Variants in KLHL42 observed in about 807,000 individuals in gnomAD.
The protein encoded by KLHL42 is kelch-like protein 42.
Under a neutral mutation model 32.7 loss-of-function variants are expected in KLHL42, and 27 were observed. That is an observed-to-expected ratio of 0.83 (90% CI 0.61 to 1.14). The LOEUF (loss-of-function observed/expected upper bound fraction) is 1.14. Among genes scored for constraint, KLHL42 ranks in the 50% most tolerant of loss-of-function variants. The pLI is 0.00. For synonymous variants in KLHL42, 267 were observed against 248.2 expected (o/e 1.08, Z -0.71); for missense variants, 491 against 560.8 (o/e 0.88, Z 1.26).
Position 27,780,550 on chromosome 12 carries a change from G to T in KLHL42, c.220G>T (p.Ala74Ser). 6.5e-7 allele frequency: 1 copy of T among 1,528,672 alleles called. No homozygotes were observed. Among genetic ancestry groups the T allele is most frequent in the Non-Finnish European group, 8.8e-7 (1 of 1,142,546 alleles). 94.7% of individuals were successfully genotyped at this position (1,528,672 alleles called of 1,614,324 possible). A position where few individuals can be genotyped will look rare whatever the true frequency, so the allele number is the denominator to read the frequency against. Residue 74 changes from alanine (A) to serine (S), a missense_variant, in exon 1 of 3, where the codon GCC becomes TCC. This residue lies in a region of KLHL42 where 248 missense variants were observed against 329.2 expected (regional missense o/e 0.75). Transcript: ENST00000381271. This position sits in a 1 kb window ranked among gnomAD's most constrained non-coding sequence, Gnocchi z 8.8. ...GCTGGACTTCATCAACGCCGGCGGGGCCCGCGAAGGCTGGCTCCTGGGCCC... is the reference window on the plus strand; with the variant it reads ...GCTGGACTTCATCAACGCCGGCGGGTCCCGCGAAGGCTGGCTCCTGGGCCC... ...LVLDFINAGG[A>S]REGWLLGPRG...
intron 2 of KLHL42, chr12:27,797,124 TAAAAAAAAACA>T (rs2062222135): frequency 5.5e-6 from 2 of 362,242 alleles, no homozygotes; most frequent in South Asian, 2.1e-5. Flanking sequence ...ATCCTGTCTT[TAAAAAAAAACA>T]AAAAAAAAAC....
chr12:27,785,312 G>A (rs1376828547), intron 1 of KLHL42, among the ~76,000 whole-genome samples: 2 of 152,154 alleles, frequency 1.3e-5, no homozygotes, highest in Non-Finnish European at 2.9e-5. Context: ...CAATCCTCCT[G>A]CTTCAGCCTC....
At chr12:27,797,573 C>G (rs1404330200) in intron 2 of KLHL42, 142 bp from the exon 3 acceptor site, 1 of 652,278 alleles carries the variant, frequency 1.5e-6, no homozygotes, top group African/African-American at 1.8e-5. Flanking sequence ...ACTTTGAAAA[C>G]TGTTTTTCTA....
In KLHL42 at chr12:27,791,820, C is replaced by T. The variant is rs2062198458; in HGVS notation, c.985C>T (p.Pro329Ser). The T allele has an allele frequency of 6.2e-7, 1 of 1,614,126 alleles. No homozygotes were observed. Residue 329 changes from proline (P) to serine (S), a missense_variant, in exon 2 of 3, where the codon CCC (proline) becomes TCC (serine). By Grantham distance (74) the Pro-to-Ser change is moderately conservative. This residue lies in a region of KLHL42 where 152 missense variants were observed against 125.9 expected (regional missense o/e 1.21). Coordinates refer to ENST00000381271, the MANE Select transcript of KLHL42 (RefSeq NM_020782.2). Reference protein sequence around the residue: ...PEQDAWNFVAPLPNPLAEFSA... With the variant: ...PEQDAWNFVASLPNPLAEFSA... The stretch of plus-strand genomic sequence containing the variant: ...GCAGGATGCGTGGAATTTTGTGGCG[C>T]CCTTACCCAATCCTCTGGCTGAGTT...
intron 2 of KLHL42, among the ~76,000 whole-genome samples, chr12:27,796,674 C>T (rs898744843): frequency 1.3e-5 from 2 of 152,000 alleles, no homozygotes; most frequent in Admixed American, 6.6e-5. Flanking sequence ...ACTCTGTCAC[C>T]CTGGCTGGAA....
In KLHL42 at chr12:27,780,432, C is replaced by T; in HGVS notation, c.102C>T (p.Tyr34=). Reference sequence around the variant, plus strand: ...AGAGCGACTACTTCCGCGCCCTCTACCGCTCCGGCATGCGCGAGGCCCTGA... The same window carrying T: ...AGAGCGACTACTTCCGCGCCCTCTATCGCTCCGGCATGCGCGAGGCCCTGA... ...IEQSDYFRAL[Y]RSGMREALSQ... The change falls in exon 1 of 3, where the codon TAC becomes TAT. Residue 34 remains tyrosine (Y), a synonymous_variant. Transcript: ENST00000381271. The surrounding 1 kb of genome is among the most constrained non-coding windows in gnomAD (Gnocchi z 8.8). 1 of 1,552,404 alleles carries T rather than the reference C, an allele frequency of 6.4e-7. No homozygotes were observed. The highest frequency in any genetic ancestry group is 1.2e-5 in the South Asian group (1 of 84,272).
chr12:27,792,902 T>TA (rs1436258069), intron 2 of KLHL42, among the ~76,000 whole-genome samples: 3 of 152,282 alleles, frequency 2.0e-5, no homozygotes, highest in South Asian at 2.1e-4. Flanking sequence ...ATTTGGAAAT[T>TA]AAAAAAATTT....
Position 27,791,792 on chromosome 12 carries a change from C to A in KLHL42, c.957C>A (p.Pro319=). 1.9e-6 allele frequency: 3 copies of A among 1,614,184 alleles called. No homozygotes were observed. Among genetic ancestry groups the A allele is most frequent in the Non-Finnish European group, 2.5e-6 (3 of 1,180,016 alleles). Residue 319 remains proline, a synonymous_variant, in exon 2 of 3, where the codon CCC becomes CCA. Transcript: ENST00000381271. ...QAVSNVECYN[P]EQDAWNFVAP... ...TTTCTAACGTTGAGTGTTACAACCCCGAGCAGGATGCGTGGAATTTTGTGG... is the reference window on the plus strand; with the variant it reads ...TTTCTAACGTTGAGTGTTACAACCCAGAGCAGGATGCGTGGAATTTTGTGG...
rs772500023 is a variant in KLHL42 at position 27,781,210 on chromosome 12, C to A, written c.872+8C>A. 21 of 1,612,736 alleles carry A rather than the reference C, an allele frequency of 1.3e-5. No homozygotes were observed. The highest frequency in any genetic ancestry group is 1.6e-4 in the Middle Eastern group (1 of 6,082). On this transcript the variant is annotated splice_region_variant and intron_variant, in intron 1 of 2. Transcript: ENST00000381271. ...CTCCATGAACCAGAAGAGGTAAGCA[C>A]CCCGGCAGAGTGCTGCTGCCTTCTC... is the stretch of plus-strand genomic sequence containing the variant.
In KLHL42 at chr12:27,780,908, C is replaced by T. The variant is rs747911594; in HGVS notation, c.578C>T (p.Thr193Ile). 29 of 1,608,428 alleles carry T rather than the reference C, an allele frequency of 1.8e-5. No individual in the cohort carries two copies. In the East Asian group the frequency reaches 5.8e-4, roughly 32 times the overall value. The change falls in exon 1 of 3, where the codon ACT (threonine) becomes ATT (isoleucine). Residue 193 changes from threonine (T) to isoleucine (I), a missense_variant. Coordinates refer to ENST00000381271, the MANE Select transcript of KLHL42 (RefSeq NM_020782.2). The surrounding 1 kb of genome is among the most constrained non-coding windows in gnomAD (Gnocchi z 8.8). ...CTGAGGGAGGCCCGGATGACTGGGA[C>T]TCCTGTCCTCGTGGCCCTCGGGGAC... Reference protein sequence around the residue: ...QRLREARMTGTPVLVALGDFL... With the variant: ...QRLREARMTGIPVLVALGDFL...
At position 27,780,447 on chromosome 12, in the gene KLHL42, C is replaced by G. The variant is rs918702808; in HGVS notation, c.117C>G (p.Arg39=). 1.9e-6 allele frequency: 3 copies of G among 1,548,032 alleles called. No individual in the cohort carries two copies. The highest frequency in any genetic ancestry group is 2.6e-6 in the Non-Finnish European group (3 of 1,147,866). ...YFRALYRSGM[R]EALSQEAGGP... Reference sequence around the variant, plus strand: ...GCGCCCTCTACCGCTCCGGCATGCGCGAGGCCCTGAGCCAGGAGGCCGGCG... The same window carrying G: ...GCGCCCTCTACCGCTCCGGCATGCGGGAGGCCCTGAGCCAGGAGGCCGGCG... The change falls in exon 1 of 3, where the codon CGC becomes CGG. Residue 39 remains arginine, a synonymous_variant. Coordinates refer to ENST00000381271, the MANE Select transcript of KLHL42 (RefSeq NM_020782.2). This position sits in a 1 kb window ranked among gnomAD's most constrained non-coding sequence, Gnocchi z 8.8.
Position 27,780,278 on chromosome 12 carries a change from G to A in KLHL42, c.-53G>A, listed in dbSNP as rs1591812285. Reference sequence around the variant, plus strand: ...GAACCGGCGCGCGCGTAGGGGCTGGGAGGCCGGCGCGCAGATCTGGCGGTG... The same window carrying A: ...GAACCGGCGCGCGCGTAGGGGCTGGAAGGCCGGCGCGCAGATCTGGCGGTG... On this transcript the variant is annotated 5_prime_UTR_variant, in exon 1 of 3. Coordinates refer to ENST00000381271, the MANE Select transcript of KLHL42 (RefSeq NM_020782.2). This position sits in a 1 kb window ranked among gnomAD's most constrained non-coding sequence, Gnocchi z 8.8. 2 of 1,484,306 alleles carry A rather than the reference G, an allele frequency of 1.3e-6. No homozygotes were observed. Among genetic ancestry groups the A allele is most frequent in the Admixed American group, 2.4e-5 (1 of 41,942 alleles). The allele number at this position is 1,484,306 out of a possible 1,614,324, so 91.9% of individuals were successfully genotyped here.
In KLHL42 at chr12:27,797,904, A is replaced by G. The variant is rs373566992; in HGVS notation, c.1256A>G (p.Gln419Arg). Residue 419 changes from glutamine (Q) to arginine (R), a missense_variant, in exon 3 of 3, where the codon CAG (glutamine) becomes CGG (arginine). This residue lies in a region of KLHL42 where 152 missense variants were observed against 125.9 expected (regional missense o/e 1.21). Transcript: ENST00000381271. ...SSQSEDMLTV[Q>R]SYNTVTRQWL... Reference sequence around the variant, plus strand: ...CAGAGCGAGGACATGCTCACCGTGCAGTCCTACAACACCGTCACCCGCCAG... The same window carrying G: ...CAGAGCGAGGACATGCTCACCGTGCGGTCCTACAACACCGTCACCCGCCAG... 1.3e-6 allele frequency: 1 copy of G among 780,868 alleles called. No homozygotes were observed. Among genetic ancestry groups the G allele is most frequent in the Non-Finnish European group, 2.4e-6 (1 of 418,128 alleles). The allele number at this position is 780,868 out of a possible 1,614,324, so 48.4% of individuals were successfully genotyped here.
Position 27,799,667 on chromosome 12 carries a change from A to G in KLHL42, c.*1501A>G, listed in dbSNP as rs1458769441. On this transcript the variant is annotated 3_prime_UTR_variant, in exon 3 of 3. Transcript: ENST00000381271. ...CTAATCACTTAGAGTTCTTCAGTTT[A>G]TTAGAGGAGTGACTACAGGTTTTCT... 1 of 152,660 alleles carries G rather than the reference A, an allele frequency of 6.6e-6. No homozygotes were observed. The highest frequency in any genetic ancestry group is 1.5e-5 in the Non-Finnish European group (1 of 68,046). 9.5% of individuals were successfully genotyped at this position (152,660 alleles called of 1,614,324 possible).
intron 1 of KLHL42, among the ~76,000 whole-genome samples, chr12:27,788,452 A>G (rs572943960): frequency 6.6e-5 from 10 of 152,312 alleles, no homozygotes; most frequent in African/African-American, 2.4e-4. Flanking sequence ...CCTCTGTGTC[A>G]TCTTGCCTTC....
At chr12:27,783,452 C>G (rs1287926733) in intron 1 of KLHL42, among the ~76,000 whole-genome samples, 1 of 152,014 alleles carries the variant, frequency 6.6e-6, no homozygotes, top group Non-Finnish European at 1.5e-5. Flanking sequence ...GGGTGTATCA[C>G]CTTACACATT....
Position 27,797,843 on chromosome 12 carries a change from T to A in KLHL42, c.1195T>A (p.Cys399Ser), listed in dbSNP as rs1357905545. ...AGAGACCATCTACATCGTGGGGGGG[T>A]GTCTCCACGAGCTGGGGCCCAACCG... ...VEETIYIVGG[C>S]LHELGPNRRS... Residue 399 changes from cysteine to serine, a missense_variant, in exon 3 of 3, where the codon TGT becomes AGT. Coordinates refer to ENST00000381271, the MANE Select transcript of KLHL42 (RefSeq NM_020782.2). The A allele has an allele frequency of 1.3e-6, 1 of 777,768 alleles. No individual in the cohort carries two copies. Among genetic ancestry groups the A allele is most frequent in the Admixed American group, 1.7e-5 (1 of 58,812 alleles). 48.2% of individuals were successfully genotyped at this position (777,768 alleles called of 1,614,324 possible).
chr12:27,781,954 A>G (rs1039875932), intron 1 of KLHL42, among the ~76,000 whole-genome samples: 1 of 152,236 alleles, frequency 6.6e-6, no homozygotes, highest in Non-Finnish European at 1.5e-5. Flanking sequence ...GAAAGGAACC[A>G]GGGAAGGAAT....
At chr12:27,789,369 G>A (rs2062186601) in intron 1 of KLHL42, among the ~76,000 whole-genome samples, 1 of 152,270 alleles carries the variant, frequency 6.6e-6, no homozygotes, top group Non-Finnish European at 1.5e-5. Flanking sequence ...TTAGCAGTAT[G>A]CCTCTTTATT....
Sources: allele counts gnomAD v4.1 joint callset (sites outside exome capture counted in the v4.1 genomes callset), GRCh38; gene constraint gnomAD v4.1.1; regional missense constraint gnomAD v4.1.1; non-coding constraint Gnocchi (gnomAD v3.1); transcripts MANE v1.5; gene names NCBI Gene and HGNC (gene_info 2026-07-23, HGNC 2026-07-21).